The following IGFBP7 variants were observed in gnomAD, a reference collection of about 807,000 sequenced individuals.
IGFBP7 encodes the protein insulin-like growth factor-binding protein 7.
Under a neutral mutation model 29.4 loss-of-function variants are expected in IGFBP7, and 31 were observed. The ratio of observed to expected loss-of-function variants is 1.05; its 90% confidence interval spans 0.79 to 1.42. The LOEUF (loss-of-function observed/expected upper bound fraction) is 1.42. IGFBP7 is among the 40% of genes most tolerant of loss of function. IGFBP7 has a pLI of 0.00. For missense variants in IGFBP7, 393 were observed against 395.5 expected, an observed-to-expected ratio of 0.99 and a Z score of 0.05; for synonymous variants, 172 against 174.9, an observed-to-expected ratio of 0.98 and a Z score of 0.13.
At chr4:57,082,062 C>A (rs1199042071) in intron 1 of IGFBP7, among the ~76,000 whole-genome samples, 9 of 152,144 alleles carry the variant, frequency 5.9e-5, no homozygotes, top group Admixed American at 5.9e-4. Context: ...AGAAAATGCA[C>A]TGATTAGCAA....
At chr4:57,094,830 A>T (rs1042618509) in intron 1 of IGFBP7, among the ~76,000 whole-genome samples, 1 of 152,194 alleles carries the variant, frequency 6.6e-6, no homozygotes, top group Non-Finnish European at 1.5e-5. Context: ...TTGCAAATTC[A>T]CCTACTTGCT....
chr4:57,037,477 G>A (rs1724109033), intron 2 of IGFBP7, among the ~76,000 whole-genome samples: 3 of 151,528 alleles, frequency 2.0e-5, no homozygotes, highest in Admixed American at 2.0e-4. Context: ...TTGAGCTCAA[G>A]CGATCCTCCC....
chr4:57,083,602 G>T (rs933935184), intron 1 of IGFBP7, among the ~76,000 whole-genome samples: 1 of 152,112 alleles, frequency 6.6e-6, no homozygotes, highest in Non-Finnish European at 1.5e-5. Flanking sequence ...TTTTGTTTAT[G>T]GTTTTGGTTG....
At chr4:57,041,932 A>G (rs745538449) in intron 1 of IGFBP7, among the ~76,000 whole-genome samples, 3 of 152,164 alleles carry the variant, frequency 2.0e-5, no homozygotes, top group African/African-American at 4.8e-5. Context: ...GCTGGTAAGA[A>G]GGAAGAAGAG....
At chr4:57,036,415 C>T (rs1184108208) in intron 2 of IGFBP7, among the ~76,000 whole-genome samples, 1 of 152,114 alleles carries the variant, frequency 6.6e-6, no homozygotes, top group Non-Finnish European at 1.5e-5. Context: ...TCTTAGAGGT[C>T]AAGGAAGCCC....
intron 1 of IGFBP7, among the ~76,000 whole-genome samples, chr4:57,049,355 CT>C (rs1560493758): frequency 6.6e-6 from 1 of 152,080 alleles, no homozygotes; most frequent in Non-Finnish European, 1.5e-5. Flanking sequence ...TGCTTCGTTG[CT>C]TTCTCATTTG....
chr4:57,110,093 A>C lies in IGFBP7; in HGVS notation c.259T>G (p.Cys87Gly). The C allele has an allele frequency of 6.5e-7, 1 of 1,541,620 alleles. No homozygotes were observed. The highest frequency in any genetic ancestry group is 8.7e-7 in the Non-Finnish European group (1 of 1,150,722). ...TTCCGCCTCTTGCGGCTCTTCACGC[A>C]CTCCATGCCCGGCGCGCAGTACCCC... ...GRGYCAPGME[C>G]VKSRKRRKGK... is the part of the protein sequence containing the mutation. Residue 87 changes from cysteine (C) to glycine (G), a missense_variant, in exon 1 of 5, where the codon TGC (cysteine) becomes GGC (glycine). Transcript: ENST00000295666.
intron 1 of IGFBP7, among the ~76,000 whole-genome samples, chr4:57,097,687 CGTTA>C (rs1725794555): frequency 6.6e-6 from 1 of 151,962 alleles, no homozygotes; most frequent in African/African-American, 2.4e-5. Flanking sequence ...ATAATAACAT[CGTTA>C]TTATACCTGT....
intron 1 of IGFBP7, among the ~76,000 whole-genome samples, chr4:57,106,892 T>C (rs1262984549): frequency 2.6e-5 from 4 of 152,350 alleles, no homozygotes; most frequent in African/African-American, 9.6e-5. Flanking sequence ...TGGTTATCCA[T>C]GACTTCAGGG....
chr4:57,075,255 C>T (rs188963817), intron 1 of IGFBP7, among the ~76,000 whole-genome samples: 1 of 152,282 alleles, frequency 6.6e-6, no homozygotes, highest in East Asian at 1.9e-4. Context: ...ACCTCCTGCC[C>T]ACTAAAGGAG....
At chr4:57,091,311 A>ATGAG (rs531594734) in intron 1 of IGFBP7, among the ~76,000 whole-genome samples, 387 of 152,358 alleles carry the variant, frequency 2.5e-3, no homozygotes, top group Admixed American at 4.9e-3. Flanking sequence ...GAATGAATGA[A>ATGAG]TGAGTGAGTG....
intron 1 of IGFBP7, chr4:57,072,733 C>T (rs1725084464): frequency 2.1e-6 from 1 of 477,226 alleles, no homozygotes; most frequent in South Asian, 1.6e-5. Flanking sequence ...TGCCTAGTGA[C>T]ACAGGGATTT....
At chr4:57,101,007 CACAAAT>C (rs1725884700) in intron 1 of IGFBP7, among the ~76,000 whole-genome samples, 13 of 152,262 alleles carry the variant, frequency 8.5e-5, no homozygotes, top group Admixed American at 6.5e-4. Context: ...TCAAGTACTT[CACAAAT>C]ACCCGTTGCA....
chr4:57,035,286 T>C (rs1260789107), intron 2 of IGFBP7, among the ~76,000 whole-genome samples: 1 of 152,224 alleles, frequency 6.6e-6, no homozygotes, highest in Non-Finnish European at 1.5e-5. Context: ...TTTTCCCTTC[T>C]TTTCACAAGT....
intron 1 of IGFBP7, among the ~76,000 whole-genome samples, chr4:57,089,372 A>G (rs1725580481): frequency 6.6e-6 from 1 of 152,212 alleles, no homozygotes; most frequent in Admixed American, 6.5e-5. Flanking sequence ...GGAACCCTCA[A>G]TTCTGGTAGC....
At chr4:57,083,959 C>T (rs1272575021) in intron 1 of IGFBP7, among the ~76,000 whole-genome samples, 1 of 152,164 alleles carries the variant, frequency 6.6e-6, no homozygotes, top group African/African-American at 2.4e-5. Flanking sequence ...GCAGGGCAAA[C>T]TGACCCTAAA....
chr4:57,086,620 T>C (rs1419235027), intron 1 of IGFBP7, among the ~76,000 whole-genome samples: 1 of 152,238 alleles, frequency 6.6e-6, no homozygotes, highest in East Asian at 1.9e-4. Flanking sequence ...TGTCACCTTT[T>C]TGTGGTAAAT....
intron 2 of IGFBP7, among the ~76,000 whole-genome samples, chr4:57,037,258 C>T (rs1391513451): frequency 6.6e-6 from 1 of 152,166 alleles, no homozygotes; most frequent in Non-Finnish European, 1.5e-5. Flanking sequence ...GGAAAACCGG[C>T]AGAGCATCAC....
Position 57,040,922 on chromosome 4 carries a change from C to G in IGFBP7, c.487G>C (p.Val163Leu), listed in dbSNP as rs145854926. The change falls in exon 2 of 5, where the codon GTG becomes CTG. Residue 163 changes from valine to leucine, a missense_variant. Transcript: ENST00000295666. ...TTCCAGATGTCCTTGGGGGGCGTCA[C>G]TATGGAAGGACCTGCAGGAGAGGGC... is the stretch of plus-strand genomic sequence containing the variant. ...KGTCEQGPSI[V>L]TPPKDIWNVT... The G allele has an allele frequency of 2.8e-4, 446 of 1,613,050 alleles. No individual in the cohort carries two copies. The highest frequency in any genetic ancestry group is 3.0e-4 in the Non-Finnish European group (352 of 1,179,104).
Sources: allele counts gnomAD v4.1 joint callset (sites outside exome capture counted in the v4.1 genomes callset), GRCh38; gene constraint gnomAD v4.1.1; transcripts MANE v1.5; gene names NCBI Gene and HGNC (gene_info 2026-07-23, HGNC 2026-07-21).